The following WWOX variants were observed in gnomAD, a reference collection of about 807,000 sequenced individuals.
WWOX encodes WW domain containing oxidoreductase.
A neutral mutation model predicts 46.2 loss-of-function variants in WWOX; 69 were observed. The observed-to-expected ratio is 1.49, with a 90% CI of 1.23 to 1.82. WWOX has a LOEUF of 1.82. Ranked by LOEUF, WWOX falls within the 40% of genes most tolerant of loss-of-function variation. WWOX has a pLI of 0.00. For missense variants in WWOX, 919 were observed against 542.6 expected, an observed-to-expected ratio of 1.69 and a Z score of -6.89; for synonymous variants, 359 against 202.6, an observed-to-expected ratio of 1.77 and a Z score of -6.56.
chr16:79,010,663 G>A (rs1353262688), intron 8 of WWOX, among the ~76,000 whole-genome samples: 4 of 152,206 alleles, frequency 2.6e-5, no homozygotes, highest in African/African-American at 7.2e-5. Context: ...AGAAGACAGT[G>A]GATTGTTTCT....
At chr16:78,686,928 C>T (rs936692333) in intron 8 of WWOX, among the ~76,000 whole-genome samples, 2 of 152,192 alleles carry the variant, frequency 1.3e-5, no homozygotes, top group African/African-American at 4.8e-5. Context: ...TAAACAGTTT[C>T]CATATCCAAG....
chr16:78,568,037 C>G (rs2044616446), intron 8 of WWOX, among the ~76,000 whole-genome samples: 3 of 152,288 alleles, frequency 2.0e-5, no homozygotes, highest in Non-Finnish European at 1.5e-5. Context: ...CGGCAGGAGT[C>G]TTTGTCTCAT....
chr16:79,001,187 G>A (rs192387364), intron 8 of WWOX, among the ~76,000 whole-genome samples: 1 of 152,146 alleles, frequency 6.6e-6, no homozygotes, highest in Non-Finnish European at 1.5e-5. Flanking sequence ...TTGAATAAAG[G>A]GCCTAGAAGA....
At chr16:78,709,309 T>C (rs915271945) in intron 8 of WWOX, among the ~76,000 whole-genome samples, 1 of 152,204 alleles carries the variant, frequency 6.6e-6, no homozygotes, top group Admixed American at 6.5e-5. Flanking sequence ...TTAACTCATT[T>C]AACTTACGTA....
intron 8 of WWOX, among the ~76,000 whole-genome samples, chr16:78,616,482 C>G (rs1227410591): frequency 6.6e-6 from 1 of 150,438 alleles, no homozygotes; most frequent in African/African-American, 2.4e-5. Flanking sequence ...GCACTAATGG[C>G]CAGGAGTGGT....
At position 78,791,695 on chromosome 16, in the gene WWOX, T is replaced by C. The variant is rs544604147; in HGVS notation, c.1056+358943T>C. ...AAGTTCGAGACCAGCCTGGCCAACA[T>C]GATGAAACCCCGTCTCTACTAAAAA... On this transcript the variant is annotated intron_variant, in intron 8 of 8. Transcript: ENST00000566780. 2.6e-5 allele frequency among the ~76,000 whole-genome samples: 4 copies of C among 152,174 alleles called. No individual in the cohort carries two copies. In the East Asian group the frequency reaches 7.8e-4, roughly 30 times the overall value.
intron 8 of WWOX, among the ~76,000 whole-genome samples, chr16:78,645,927 C>G (rs568492918): frequency 2.0e-5 from 3 of 152,282 alleles, no homozygotes; most frequent in African/African-American, 4.8e-5. Context: ...GCCACATCTT[C>G]CATCCTTAAA....
chr16:78,280,883 T>A (rs1337040678), intron 5 of WWOX: 1 of 153,046 alleles, frequency 6.5e-6, no homozygotes, highest in African/African-American at 2.4e-5. Flanking sequence ...TTGTGTATTT[T>A]GGAAAAATCG....
intron 8 of WWOX, among the ~76,000 whole-genome samples, chr16:78,780,221 A>G (rs2050289859): frequency 6.6e-6 from 1 of 152,036 alleles, no homozygotes; most frequent in African/African-American, 2.4e-5. Flanking sequence ...AAACACCCAT[A>G]CCATTCTTAA....
intron 8 of WWOX, among the ~76,000 whole-genome samples, chr16:78,736,089 T>C (rs961653546): frequency 6.6e-6 from 1 of 152,172 alleles, no homozygotes; most frequent in African/African-American, 2.4e-5. Flanking sequence ...CAAGGGAATG[T>C]TCTTGGGACA....
At chr16:78,183,615 A>G (rs1052602570) in intron 5 of WWOX, among the ~76,000 whole-genome samples, 3 of 152,326 alleles carry the variant, frequency 2.0e-5, no homozygotes, top group African/African-American at 2.4e-5. Flanking sequence ...ATGAGATAAC[A>G]GTGCCTGGTT....
intron 8 of WWOX, among the ~76,000 whole-genome samples, chr16:78,803,794 C>G (rs988345668): frequency 6.6e-6 from 1 of 152,042 alleles, no homozygotes; most frequent in African/African-American, 2.4e-5. Context: ...CACAGGGGAT[C>G]TGTTGGAAGT....
chr16:78,667,721 A>G (rs996153285), intron 8 of WWOX, among the ~76,000 whole-genome samples: 3 of 149,978 alleles, frequency 2.0e-5, no homozygotes, highest in Non-Finnish European at 1.5e-5. Context: ...TAGAATATTG[A>G]TGAGAACACC....
chr16:78,849,233 A>C (rs2052377485), intron 8 of WWOX, among the ~76,000 whole-genome samples: 2 of 152,184 alleles, frequency 1.3e-5, no homozygotes, highest in Admixed American at 6.5e-5. Context: ...GTTGCTACAG[A>C]GTCACTCATT....
At chr16:78,480,594 C>G (rs1474829883) in intron 8 of WWOX, among the ~76,000 whole-genome samples, 1 of 152,196 alleles carries the variant, frequency 6.6e-6, no homozygotes, top group Admixed American at 6.5e-5. Flanking sequence ...GGGTCCCGTA[C>G]TTTTCAATGT....
intron 8 of WWOX, among the ~76,000 whole-genome samples, chr16:78,909,768 C>G (rs2045060936): frequency 6.6e-6 from 1 of 152,276 alleles, no homozygotes; most frequent in South Asian, 2.1e-4. Flanking sequence ...TTCCATGCGT[C>G]AACTTAGTCC....
intron 8 of WWOX, among the ~76,000 whole-genome samples, chr16:78,625,150 A>G (rs1401066883): frequency 1.3e-5 from 2 of 152,186 alleles, no homozygotes; most frequent in Non-Finnish European, 2.9e-5. Flanking sequence ...GCTGGAGAAC[A>G]TCACCAATCA....
chr16:78,124,561 A>T (rs1051749825), intron 4 of WWOX, among the ~76,000 whole-genome samples: 1 of 152,190 alleles, frequency 6.6e-6, no homozygotes, highest in South Asian at 2.1e-4. Context: ...ATCAAAAAGC[A>T]GGTTCCAATA....
At chr16:78,567,525 C>T (rs545767327) in intron 8 of WWOX, among the ~76,000 whole-genome samples, 4 of 138,180 alleles carry the variant, frequency 2.9e-5, no homozygotes, top group African/African-American at 1.1e-4. Context: ...TGCACTCCAG[C>T]CTGGGCGACA....
Sources: gnomAD v4.1 joint callset for allele counts (sites outside exome capture counted in the v4.1 genomes callset) on GRCh38, gnomAD v4.1.1 for gene constraint, MANE v1.5 for transcripts, NCBI Gene and HGNC (gene_info 2026-07-23, HGNC 2026-07-21) for gene names.